The following CD86 variants were observed in gnomAD, a reference collection of about 807,000 sequenced individuals.
CD86 encodes the protein T-lymphocyte activation antigen CD86.
A neutral mutation model predicts 32.1 loss-of-function variants in CD86; 11 were observed. The observed-to-expected ratio is 0.34, with a 90% CI of 0.22 to 0.57. The LOEUF (loss-of-function observed/expected upper bound fraction) is 0.57, where lower values mean the gene tolerates loss of function less well. Ranked by LOEUF, CD86 falls within the 20% of genes least tolerant of loss-of-function variation. The probability of loss-of-function intolerance (pLI) is 0.86; values close to 1 mark genes in which losing one functional copy is unlikely to be tolerated. For synonymous variants in CD86, 137 were observed against 135.3 expected (o/e 1.01, Z -0.09); for missense variants, 359 against 398.4 (o/e 0.90, Z 0.84).
chr3:122,101,937 C>G (rs2073016769), intron 2 of CD86, among the ~76,000 whole-genome samples: 1 of 152,072 alleles, frequency 6.6e-6, no homozygotes, highest in African/African-American at 2.4e-5. Flanking sequence ...ACAGGTGGTG[C>G]ATTTTATACC....
At chr3:122,094,632 T>C (rs2072877987) in intron 2 of CD86, among the ~76,000 whole-genome samples, 4 of 152,162 alleles carry the variant, frequency 2.6e-5, no homozygotes, top group Admixed American at 1.3e-4. Flanking sequence ...GGAGATGCAA[T>C]TGGCCCACAT....
At chr3:122,076,236 A>G (rs902419214) in intron 1 of CD86, among the ~76,000 whole-genome samples, 1 of 152,230 alleles carries the variant, frequency 6.6e-6, no homozygotes, top group Non-Finnish European at 1.5e-5. Flanking sequence ...AAGTGGTACT[A>G]GTAGCTAGAA....
chr3:122,117,047 T>A (rs1341456141), intron 5 of CD86, among the ~76,000 whole-genome samples: 1 of 152,182 alleles, frequency 6.6e-6, no homozygotes, highest in African/African-American at 2.4e-5. Context: ...TAAAGCTGAT[T>A]GTTTTTATCT....
chr3:122,102,844 A>G (rs753322783), intron 2 of CD86, among the ~76,000 whole-genome samples: 11 of 146,238 alleles, frequency 7.5e-5, no homozygotes, highest in Non-Finnish European at 1.6e-4. Flanking sequence ...TCACTATCGA[A>G]GTCATTTCTA....
intron 2 of CD86, among the ~76,000 whole-genome samples, chr3:122,102,614 A>T (rs1380808149): frequency 1.3e-5 from 2 of 152,060 alleles, no homozygotes; most frequent in Non-Finnish European, 2.9e-5. Context: ...GTCCAGGGTC[A>T]GTGCATACTG....
chr3:122,072,969 A>C (rs201462149), intron 1 of CD86, among the ~76,000 whole-genome samples: 1 of 151,772 alleles, frequency 6.6e-6, no homozygotes, highest in East Asian at 1.9e-4. Context: ...TTTTCCCAGC[A>C]CCATTTATTA....
chr3:122,086,007 T>C (rs1040480628), intron 1 of CD86, among the ~76,000 whole-genome samples: 3 of 152,160 alleles, frequency 2.0e-5, no homozygotes, highest in African/African-American at 7.2e-5. Context: ...GGGTAAGAAC[T>C]CTTGTATACC....
At chr3:122,080,902 C>T (rs1401783285) in intron 1 of CD86, among the ~76,000 whole-genome samples, 5 of 152,142 alleles carry the variant, frequency 3.3e-5, no homozygotes, top group East Asian at 3.9e-4. Flanking sequence ...AGCCCTCACA[C>T]CCATCCCTTC....
intron 1 of CD86, among the ~76,000 whole-genome samples, chr3:122,082,917 C>A (rs2072654691): frequency 6.6e-6 from 1 of 152,200 alleles, no homozygotes; most frequent in Non-Finnish European, 1.5e-5. Context: ...CTTGTAGCAT[C>A]CACTGTGGGA....
intron 6 of CD86, 77 bp downstream of exon 6, chr3:122,118,170 C>G: frequency 8.1e-7 from 1 of 1,239,344 alleles, no homozygotes; most frequent in Non-Finnish European, 1.2e-6. Context: ...AGGCTTATGC[C>G]TAACATATGT....
intron 2 of CD86, among the ~76,000 whole-genome samples, chr3:122,101,509 AAAAAATATATAT>A (rs1322951200): frequency 0.034 from 1,917 of 56,978 alleles, 34 homozygotes; most frequent in South Asian, 0.096. Context: ...AAAAAAAAAA[AAAAAATATATAT>A]ATATATATAT....
chr3:122,064,077 G>A (rs1176590812), intron 1 of CD86, among the ~76,000 whole-genome samples: 1 of 152,004 alleles, frequency 6.6e-6, no homozygotes, highest in African/African-American at 2.4e-5. Flanking sequence ...GAGAGAAAGG[G>A]GAAGGGAAAG....
intron 1 of CD86, among the ~76,000 whole-genome samples, chr3:122,056,297 G>T (rs2072233799): frequency 6.6e-6 from 1 of 152,074 alleles, no homozygotes; most frequent in Admixed American, 6.6e-5. Context: ...CTTCTCTTGG[G>T]TGGTGGCAGC....
At chr3:122,085,784 C>G (rs532183698) in intron 1 of CD86, among the ~76,000 whole-genome samples, 48 of 152,136 alleles carry the variant, frequency 3.2e-4, no homozygotes, top group Non-Finnish European at 6.0e-4. Flanking sequence ...GCATGTCACA[C>G]CCAGAGGCAA....
chr3:122,061,616 C>T (rs2072337053), intron 1 of CD86, among the ~76,000 whole-genome samples: 1 of 152,128 alleles, frequency 6.6e-6, no homozygotes, highest in South Asian at 2.1e-4. Flanking sequence ...GAGTCAACAT[C>T]ATTTGCCTTT....
chr3:122,095,025 GTAT>G (rs1257760594), intron 2 of CD86, among the ~76,000 whole-genome samples: 1 of 152,212 alleles, frequency 6.6e-6, no homozygotes, highest in Non-Finnish European at 1.5e-5. Context: ...TCAGGAGGAA[GTAT>G]CTTTCCAGTT....
At chr3:122,113,971 C>G (rs2073212872) in intron 5 of CD86, among the ~76,000 whole-genome samples, 1 of 152,100 alleles carries the variant, frequency 6.6e-6, no homozygotes, top group Admixed American at 6.5e-5. Flanking sequence ...GTCTTTTAGG[C>G]CAGGGGTGGT....
chr3:122,113,328 T>A (rs1358251772), intron 5 of CD86, among the ~76,000 whole-genome samples: 4 of 152,244 alleles, frequency 2.6e-5, no homozygotes, highest in African/African-American at 9.6e-5. Context: ...TGCATGTGTC[T>A]TTTTCATATA....
At chr3:122,064,721 T>C (rs913974671) in intron 1 of CD86, among the ~76,000 whole-genome samples, 1 of 152,164 alleles carries the variant, frequency 6.6e-6, no homozygotes, top group Non-Finnish European at 1.5e-5. Flanking sequence ...GCTGGTTTGG[T>C]ATAAATCACC....
Sources: allele counts gnomAD v4.1 joint callset (sites outside exome capture counted in the v4.1 genomes callset), GRCh38; gene constraint gnomAD v4.1.1; transcripts MANE v1.5; gene names NCBI Gene and HGNC (gene_info 2026-07-23, HGNC 2026-07-21).